MSL1: variants seen among roughly 807,000 people sequenced by gnomAD.
MSL1 encodes MSL complex subunit 1.
In MSL1, 21 loss-of-function variants were observed where a neutral mutation model predicts 64.6. The observed-to-expected ratio is 0.33, with a 90% CI of 0.23 to 0.47. MSL1 has a LOEUF of 0.47. Among genes scored for constraint, MSL1 ranks in the 20% least tolerant of loss-of-function variants. The pLI is 1.00. For missense variants in MSL1, 664 were observed against 793.2 expected, an observed-to-expected ratio of 0.84 and a Z score of 1.96; for synonymous variants, 339 against 329.6, an observed-to-expected ratio of 1.03 and a Z score of -0.31.
In MSL1 at chr17:40,122,783, C is replaced by G. The variant is rs117827273; in HGVS notation, c.171C>G (p.Pro57=). The G allele has an allele frequency of 0.13, 182,142 of 1,375,710 alleles. 13,476 individuals carry two copies. The highest frequency in any genetic ancestry group is 0.15 in the Non-Finnish European group (158,152 of 1,073,426). The allele number at this position is 1,375,710 out of a possible 1,614,324, so 85.2% of individuals were successfully genotyped here. ...ACCGTAAGCTCAAGGAGCCGGGGCCCCCGCTGGCCTCCTCCCAGGGCGGGA... is the reference window on the plus strand; with the variant it reads ...ACCGTAAGCTCAAGGAGCCGGGGCCGCCGCTGGCCTCCTCCCAGGGCGGGA... ...PRHRKLKEPG[P]PLASSQGGSP... is the part of the protein sequence containing the mutation. The change falls in exon 1 of 9, where the codon CCC becomes CCG. Residue 57 remains proline (P), a synonymous_variant. Transcript: ENST00000398532. The surrounding 1 kb of genome is among the most constrained non-coding windows in gnomAD (Gnocchi z 4.2).
At chr17:40,126,076 G>T in intron 1 of MSL1, 107 bp from the exon 2 acceptor site, 1 of 923,844 alleles carries the variant, frequency 1.1e-6, no homozygotes, top group Non-Finnish European at 1.7e-6. Context: ...AGTTGATGTG[G>T]TCCATAGAAA....
In MSL1 at chr17:40,132,065, T is replaced by C. The variant is rs77077922; in HGVS notation, c.1455T>C (p.Pro485=). ...VPSWRDHSVE[P]LRDPNPSDLL... is the part of the protein sequence containing the mutation. ...CTTGGAGGGACCACTCAGTAGAGCC[T>C]CTAAGGGACCCAAATCCTTCAGACC... The change falls in exon 5 of 9, where the codon CCT becomes CCC. Residue 485 remains proline, a synonymous_variant. Transcript: ENST00000398532. 3.8e-4 allele frequency: 611 copies of C among 1,603,518 alleles called. 6 individuals are homozygous for C. The East Asian group carries it at 0.013, about 34-fold the overall frequency.
chr17:40,132,928 G>C, intron 5 of MSL1, 114 bp from the exon 6 acceptor site: 1 of 946,054 alleles, frequency 1.1e-6, no homozygotes, highest in Non-Finnish European at 1.6e-6. Context: ...CACAGACTCA[G>C]GTAGAACCGG....
rs1359342092 is a variant in MSL1, at chr17:40,122,573, C to T, written c.-40C>T. On this transcript the variant is annotated 5_prime_UTR_variant, in exon 1 of 9. Coordinates refer to ENST00000398532, the MANE Select transcript of MSL1 (RefSeq NM_001365919.1). This position sits in a 1 kb window ranked among gnomAD's most constrained non-coding sequence, Gnocchi z 4.2. ...CCCCGCACCTCGCCCCTTCCCCACCCCCTCCTCCGCCTCGGTGCCCGGCGC... is the reference window on the plus strand; with the variant it reads ...CCCCGCACCTCGCCCCTTCCCCACCTCCTCCTCCGCCTCGGTGCCCGGCGC... 7.2e-7 allele frequency: 1 copy of T among 1,381,694 alleles called. No individual in the cohort carries two copies. Among genetic ancestry groups the T allele is most frequent in the South Asian group, 1.6e-5 (1 of 62,452 alleles). 85.6% of individuals were successfully genotyped at this position (1,381,694 alleles called of 1,614,324 possible). A position where few individuals can be genotyped will look rare whatever the true frequency, so the allele number is the denominator to read the frequency against.
Position 40,122,478 on chromosome 17 carries a change from A to C in MSL1, c.-135A>C. ...GCCCGGGCCCCGGAGGAGCCGCGCT[A>C]GCGGAGGCCTGCTGCCGCGCTGCTG... On this transcript the variant is annotated 5_prime_UTR_variant, in exon 1 of 9. It removes the in-frame stop codon of an upstream open reading frame in the 5' UTR. Coordinates refer to ENST00000398532, the MANE Select transcript of MSL1 (RefSeq NM_001365919.1). The surrounding 1 kb of genome is among the most constrained non-coding windows in gnomAD (Gnocchi z 4.2). 2 of 554,782 alleles carry C rather than the reference A, an allele frequency of 3.6e-6. No individual in the cohort carries two copies. Among genetic ancestry groups the C allele is most frequent in the Non-Finnish European group, 2.8e-6 (1 of 359,468 alleles). 34.4% of individuals were successfully genotyped at this position (554,782 alleles called of 1,614,324 possible). A position where few individuals can be genotyped will look rare whatever the true frequency, so the allele number is the denominator to read the frequency against.
chr17:40,127,460 G>A (rs1988345938), intron 2 of MSL1, among the ~76,000 whole-genome samples: 1 of 152,022 alleles, frequency 6.6e-6, no homozygotes, highest in Admixed American at 6.6e-5. Context: ...ATACGTAGAT[G>A]TACAACACCT....
Position 40,136,746 on chromosome 17 carries a change from T to C in MSL1, c.*2377T>C, listed in dbSNP as rs984794645. ...TGTAAAATTGGTTGTCTTGTAAATATCTTATAAAGAGTTCAATTGTAAATA... is the reference window on the plus strand; with the variant it reads ...TGTAAAATTGGTTGTCTTGTAAATACCTTATAAAGAGTTCAATTGTAAATA... On this transcript the variant is annotated 3_prime_UTR_variant, in exon 9 of 9. Coordinates refer to ENST00000398532, the MANE Select transcript of MSL1 (RefSeq NM_001365919.1). The C allele has an allele frequency of 6.6e-6, 1 of 152,394 alleles. No individual in the cohort carries two copies. Among genetic ancestry groups the C allele is most frequent in the African/African-American group, 2.4e-5 (1 of 41,470 alleles). The allele number at this position is 152,394 out of a possible 1,614,324, so 9.4% of individuals were successfully genotyped here. A position where few individuals can be genotyped will look rare whatever the true frequency, so the allele number is the denominator to read the frequency against.
At position 40,122,565 on chromosome 17, in the gene MSL1, T is replaced by TCCC; in HGVS notation, c.-46_-44dup. ...CCTCGACCCCCCGCACCTCGCCCCT[T>TCCC]CCCCACCCCCTCCTCCGCCTCGGTG... On this transcript the variant is annotated 5_prime_UTR_variant, in exon 1 of 9. Transcript: ENST00000398532. This position sits in a 1 kb window ranked among gnomAD's most constrained non-coding sequence, Gnocchi z 4.2. 2 of 1,313,062 alleles carry TCCC rather than the reference T, an allele frequency of 1.5e-6. No individual in the cohort carries two copies. Among genetic ancestry groups the TCCC allele is most frequent in the South Asian group, 1.8e-5 (1 of 56,716 alleles). 81.3% of individuals were successfully genotyped at this position (1,313,062 alleles called of 1,614,324 possible). A position where few individuals can be genotyped will look rare whatever the true frequency, so the allele number is the denominator to read the frequency against.
In MSL1 at chr17:40,122,927, G is replaced by C. The variant is rs1221212912; in HGVS notation, c.315G>C (p.Pro105=). 6.6e-7 allele frequency: 1 copy of C among 1,516,806 alleles called. No homozygotes were observed. Among genetic ancestry groups the C allele is most frequent in the African/African-American group, 1.4e-5 (1 of 70,140 alleles). The allele number at this position is 1,516,806 out of a possible 1,614,324, so 94.0% of individuals were successfully genotyped here. The change falls in exon 1 of 9, where the codon CCG becomes CCC. Residue 105 remains proline, a synonymous_variant. Coordinates refer to ENST00000398532, the MANE Select transcript of MSL1 (RefSeq NM_001365919.1). The surrounding 1 kb of genome is among the most constrained non-coding windows in gnomAD (Gnocchi z 4.2). ...SWGGSVPLPC[P]PPATKQAGIG... ...GCGGTTCGGTGCCCTTGCCCTGTCC[G>C]CCCCCGGCCACCAAGCAAGCCGGCA...
At position 40,122,529 on chromosome 17, in the gene MSL1, C is replaced by G; in HGVS notation, c.-84C>G. ...AGGCGAGCCCGCCAAACTCCCCTCC[C>G]CCCCCTCAGTCCTCGACCCCCCGCA... On this transcript the variant is annotated 5_prime_UTR_variant, in exon 1 of 9. Coordinates refer to ENST00000398532, the MANE Select transcript of MSL1 (RefSeq NM_001365919.1). The surrounding 1 kb of genome is among the most constrained non-coding windows in gnomAD (Gnocchi z 4.2). The G allele has an allele frequency of 1.2e-6, 1 of 818,866 alleles. No individual in the cohort carries two copies. The highest frequency in any genetic ancestry group is 1.7e-6 in the Non-Finnish European group (1 of 582,444). 50.7% of individuals were successfully genotyped at this position (818,866 alleles called of 1,614,324 possible).
In MSL1 at chr17:40,131,562, A is replaced by C; in HGVS notation, c.1401A>C (p.Ala467=). 1 of 1,613,762 alleles carries C rather than the reference A, an allele frequency of 6.2e-7. No homozygotes were observed. The highest frequency in any genetic ancestry group is 8.5e-7 in the Non-Finnish European group (1 of 1,179,800). The change falls in exon 4 of 9, where the codon GCA becomes GCC. Residue 467 remains alanine, a synonymous_variant. Transcript: ENST00000398532. This position sits in a 1 kb window ranked among gnomAD's most constrained non-coding sequence, Gnocchi z 4.5. The part of the protein sequence containing the change: ...VARCLMPSSV[A]GETSVLAVPS... The stretch of plus-strand genomic sequence containing the variant: ...GGTGTCTGATGCCATCAAGTGTTGC[A>C]GGAGAAACTTCAGTCTTGGCTGGTG...
chr17:40,123,165 C>CCCACCG lies in MSL1; in HGVS notation c.562_567dup (p.Thr188_Ala189dup), dbSNP rs771688144. The CCCACCG allele has an allele frequency of 6.5e-6, 10 of 1,534,356 alleles. 1 individual carries two copies. The highest frequency in any genetic ancestry group is 6.0e-5 in the South Asian group (5 of 84,006). ...TCTGCCCGGGCCGCCACCCCTCGCG[C>CCCACCG]CCACCGCCACCGCCGGGACCCTGGC... is the stretch of plus-strand genomic sequence containing the variant. On this transcript the variant is annotated inframe_insertion, in exon 1 of 9. Coordinates refer to ENST00000398532, the MANE Select transcript of MSL1 (RefSeq NM_001365919.1).
chr17:40,132,709 T>G (rs1477862036), intron 5 of MSL1, among the ~76,000 whole-genome samples: 1 of 152,166 alleles, frequency 6.6e-6, no homozygotes, highest in Non-Finnish European at 1.5e-5. Context: ...CTCTTAAAGT[T>G]TTGATTATTT....
Position 40,122,720 on chromosome 17 carries a change from C to A in MSL1, c.108C>A (p.Asp36Glu). ...ERAAALGGPE[D>E]EPGAAEAHFL... ...CTGCGGCGCTGGGCGGGCCCGAGGACGAGCCTGGGGCGGCCGAAGCCCACT... is the reference window on the plus strand; with the variant it reads ...CTGCGGCGCTGGGCGGGCCCGAGGAAGAGCCTGGGGCGGCCGAAGCCCACT... The change falls in exon 1 of 9, where the codon GAC becomes GAA. Residue 36 changes from aspartate (D) to glutamate (E), a missense_variant. Transcript: ENST00000398532. This position sits in a 1 kb window ranked among gnomAD's most constrained non-coding sequence, Gnocchi z 4.2. 4.7e-6 allele frequency: 7 copies of A among 1,476,348 alleles called. No individual in the cohort carries two copies. The highest frequency in any genetic ancestry group is 2.4e-5 in the Admixed American group (1 of 42,178). 91.5% of individuals were successfully genotyped at this position (1,476,348 alleles called of 1,614,324 possible). A position where few individuals can be genotyped will look rare whatever the true frequency, so the allele number is the denominator to read the frequency against.
chr17:40,122,755 G>A lies in MSL1; in HGVS notation c.143G>A (p.Arg48Gln), dbSNP rs1407638763. 1 of 1,426,536 alleles carries A rather than the reference G, an allele frequency of 7.0e-7. No individual in the cohort carries two copies. The highest frequency in any genetic ancestry group is 1.4e-5 in the South Asian group (1 of 69,810). The allele number at this position is 1,426,536 out of a possible 1,614,324, so 88.4% of individuals were successfully genotyped here. ...GCGGCCGAAGCCCACTTCCTCCCCC[G>A]GCACCGTAAGCTCAAGGAGCCGGGG... ...PGAAEAHFLP[R>Q]HRKLKEPGPP... is the part of the protein sequence containing the mutation. The change falls in exon 1 of 9, where the codon CGG (arginine) becomes CAG (glutamine). Residue 48 changes from arginine to glutamine, a missense_variant. This residue lies in a region of MSL1 where 466 missense variants were observed against 499.0 expected (regional missense o/e 0.93). Coordinates refer to ENST00000398532, the MANE Select transcript of MSL1 (RefSeq NM_001365919.1). This position sits in a 1 kb window ranked among gnomAD's most constrained non-coding sequence, Gnocchi z 4.2.
chr17:40,134,936 A>G lies in MSL1; in HGVS notation c.*567A>G, dbSNP rs1988512017. The stretch of plus-strand genomic sequence containing the variant: ...AGTTGGTAGATAACTGTCTGAAAAG[A>G]TAGTTGTTCATTTGAAACTATTCTG... On this transcript the variant is annotated 3_prime_UTR_variant, in exon 9 of 9. Transcript: ENST00000398532. 1 of 152,484 alleles carries G rather than the reference A, an allele frequency of 6.6e-6. No homozygotes were observed. Among genetic ancestry groups the G allele is most frequent in the Non-Finnish European group, 1.5e-5 (1 of 68,120 alleles). The allele number at this position is 152,484 out of a possible 1,614,324, so 9.4% of individuals were successfully genotyped here.
At position 40,134,474 on chromosome 17, in the gene MSL1, CTGA is replaced by C; in HGVS notation, c.*107_*109del. On this transcript the variant is annotated 3_prime_UTR_variant, in exon 9 of 9. Transcript: ENST00000398532. ...TTGTCCTCACATATGTTATCACTCG[CTGA>C]TAATACCCTTTCATACTTCCTTGAC... is the stretch of plus-strand genomic sequence containing the variant. 1.2e-6 allele frequency: 1 copy of C among 854,266 alleles called. No individual in the cohort carries two copies. The highest frequency in any genetic ancestry group is 2.7e-5 in the East Asian group (1 of 37,262). The allele number at this position is 854,266 out of a possible 1,614,324, so 52.9% of individuals were successfully genotyped here. A position where few individuals can be genotyped will look rare whatever the true frequency, so the allele number is the denominator to read the frequency against.
At chr17:40,126,101 T>A in intron 1 of MSL1, 82 bp from the exon 2 acceptor site, 2 of 1,239,346 alleles carry the variant, frequency 1.6e-6, no homozygotes, top group South Asian at 2.6e-5. Flanking sequence ...CAGAAGACTA[T>A]ACTGATTCCT....
chr17:40,125,578 C>G (rs1006850306), intron 1 of MSL1, among the ~76,000 whole-genome samples: 5 of 152,254 alleles, frequency 3.3e-5, no homozygotes, highest in Admixed American at 3.3e-4. Context: ...TTTGGGAGGC[C>G]TACGCAGGTG....
Sources: allele counts gnomAD v4.1 joint callset (sites outside exome capture counted in the v4.1 genomes callset), GRCh38; gene constraint gnomAD v4.1.1; regional missense constraint gnomAD v4.1.1; non-coding constraint Gnocchi (gnomAD v3.1); transcripts MANE v1.5; gene names NCBI Gene and HGNC (gene_info 2026-07-23, HGNC 2026-07-21).